NRXN1: variants seen among roughly 807,000 people sequenced by gnomAD.
NRXN1 encodes the protein neurexin 1, also known as neurexin-1.
NRXN1 carries 39 observed loss-of-function variants against 150.9 expected under a neutral mutation model. The observed-to-expected ratio is 0.26, with a 90% CI of 0.20 to 0.34. The LOEUF (loss-of-function observed/expected upper bound fraction) is 0.34, where lower values mean the gene tolerates loss of function less well. NRXN1 is among the 10% of genes least tolerant of loss of function. NRXN1 has a pLI of 1.00. For synonymous variants in NRXN1, 924 were observed against 757.0 expected, an observed-to-expected ratio of 1.22 and a Z score of -3.62; for missense variants, 1,815 against 1,949.9, an observed-to-expected ratio of 0.93 and a Z score of 1.30.
intron 12 of NRXN1, among the ~76,000 whole-genome samples, chr2:50,516,713 C>T (rs941550379): frequency 6.6e-6 from 1 of 151,774 alleles, no homozygotes; most frequent in Non-Finnish European, 1.5e-5. Flanking sequence ...CAAGGATATA[C>T]CCTTGAGAAC....
In NRXN1 at chr2:50,538,557, C is replaced by T. The variant is rs768832393; in HGVS notation, c.1839G>A (p.Leu613=). 6.3e-7 allele frequency: 1 copy of T among 1,575,612 alleles called. No homozygotes were observed. The highest frequency in any genetic ancestry group is 1.2e-5 in the South Asian group (1 of 83,546). ...TATTTTCTGGCAGCCCCCCCAGGTA[C>T]AACTCATCATCCAGGTCCAGAATCT... ...ESEILDLDDE[L]YLGGLPENKA... The change falls in exon 10 of 23, where the codon TTG becomes TTA. Residue 613 remains leucine (L), a synonymous_variant. Transcript: ENST00000401669.
Position 50,503,240 on chromosome 2 carries a change from G to T in NRXN1, c.2497+3255C>A, listed in dbSNP as rs149168786. On this transcript the variant is annotated intron_variant, in intron 13 of 22. Transcript: ENST00000401669. ...GGAGAATCACTTGAATGTAGGAGGC[G>T]GAGGCTGCAGTGAGCTGAGATCACT... Among the ~76,000 whole-genome samples, 421 of 151,692 alleles carry T rather than the reference G, an allele frequency of 2.8e-3. 1 individual carries two copies. Among genetic ancestry groups the T allele is most frequent in the African/African-American group, 9.3e-3 (386 of 41,324 alleles).
chr2:50,591,810 T>C (rs1373445669), intron 8 of NRXN1, among the ~76,000 whole-genome samples: 1 of 152,218 alleles, frequency 6.6e-6, no homozygotes, highest in Non-Finnish European at 1.5e-5. Context: ...GCATGCTAAA[T>C]ACAAGTTAGG....
intron 5 of NRXN1, among the ~76,000 whole-genome samples, chr2:50,769,141 A>G (rs756801016): frequency 6.6e-5 from 10 of 152,030 alleles, no homozygotes; most frequent in Non-Finnish European, 1.2e-4. Context: ...TAAAGCTATT[A>G]TTTCTGGGTT....
Position 50,346,994 on chromosome 2 carries a change from T to G in NRXN1, c.3365-110024A>C. ...GGCAGCCGCCGCGGGAGGCAAAGTTTGGGGCGCGGGGAGAGGAGAGGGCGC... is the reference window on the plus strand; with the variant it reads ...GGCAGCCGCCGCGGGAGGCAAAGTTGGGGGCGCGGGGAGAGGAGAGGGCGC... On this transcript the variant is annotated intron_variant, in intron 17 of 22. Transcript: ENST00000401669. The surrounding 1 kb of genome is among the most constrained non-coding windows in gnomAD (Gnocchi z 5.0). The G allele has an allele frequency of 7.4e-7, 1 of 1,359,412 alleles. No homozygotes were observed. Among genetic ancestry groups the G allele is most frequent in the South Asian group, 1.4e-5 (1 of 69,486 alleles). 84.2% of individuals were successfully genotyped at this position (1,359,412 alleles called of 1,614,324 possible).
intron 21 of NRXN1, among the ~76,000 whole-genome samples, chr2:50,029,094 G>C (rs1013086833): frequency 1.3e-5 from 2 of 152,124 alleles, no homozygotes; most frequent in African/African-American, 4.8e-5. Context: ...GAGGATGGAG[G>C]CTTCATGAAT....
intron 19 of NRXN1, among the ~76,000 whole-genome samples, chr2:50,072,482 C>A (rs1696434133): frequency 6.8e-6 from 1 of 148,136 alleles, no homozygotes; most frequent in African/African-American, 2.5e-5. Flanking sequence ...AGGACAAGCA[C>A]ATATTTATTC....
Position 50,702,853 on chromosome 2 carries a change from A to T in NRXN1, c.833-79238T>A, listed in dbSNP as rs1465570975. ...TATAATTATTTCTCTGATTTTAAAA[A>T]CAGTAACAGACAAGTTTTTTTTCCC... On this transcript the variant is annotated intron_variant, in intron 5 of 22. Coordinates refer to ENST00000401669, the MANE Select transcript of NRXN1 (RefSeq NM_001330078.2). Among the ~76,000 whole-genome samples, 5 of 152,238 alleles carry T rather than the reference A, an allele frequency of 3.3e-5. No homozygotes were observed. In the East Asian group the frequency reaches 9.7e-4, roughly 29 times the overall value.
chr2:50,229,585 T>C (rs1220518759), intron 18 of NRXN1, among the ~76,000 whole-genome samples: 2 of 151,952 alleles, frequency 1.3e-5, no homozygotes. Context: ...ACATATTGGA[T>C]ATGTTCTAAA....
chr2:50,959,978 T>G (rs1224622637), intron 2 of NRXN1, among the ~76,000 whole-genome samples: 3 of 152,034 alleles, frequency 2.0e-5, no homozygotes, highest in African/African-American at 7.2e-5. Flanking sequence ...ACTGCTTCTA[T>G]AACCATTTTC....
rs527697640 is a variant in NRXN1 at position 50,145,014 on chromosome 2, T to C, written c.3547-53520A>G. 1.1e-4 allele frequency among the ~76,000 whole-genome samples: 17 copies of C among 151,936 alleles called. 1 individual carries two copies. Among genetic ancestry groups the C allele is most frequent in the African/African-American group, 4.1e-4 (17 of 41,524 alleles). ...ATTCCTGAAATAACTAATATAAATGTAGCTATTTAAAATATGAGATGCTGG... is the reference window on the plus strand; with the variant it reads ...ATTCCTGAAATAACTAATATAAATGCAGCTATTTAAAATATGAGATGCTGG... On this transcript the variant is annotated intron_variant, in intron 18 of 22. Coordinates refer to ENST00000401669, the MANE Select transcript of NRXN1 (RefSeq NM_001330078.2).
At chr2:50,187,087 G>A (rs1284196591) in intron 18 of NRXN1, among the ~76,000 whole-genome samples, 1 of 151,930 alleles carries the variant, frequency 6.6e-6, no homozygotes, top group Admixed American at 6.6e-5. Context: ...AAAGTCAATG[G>A]CTGATTCTAT....
intron 8 of NRXN1, among the ~76,000 whole-genome samples, chr2:50,553,511 T>C (rs1327148067): frequency 6.6e-6 from 1 of 152,194 alleles, no homozygotes; most frequent in Admixed American, 6.5e-5. Flanking sequence ...CTATTATCTA[T>C]ATATCTGCTG....
chr2:50,781,633 C>A (rs2105519550), intron 5 of NRXN1, among the ~76,000 whole-genome samples: 1 of 152,318 alleles, frequency 6.6e-6, no homozygotes. Flanking sequence ...TTTCTAAAAA[C>A]CAGACTTTCT....
chr2:50,610,642 CATATATATATATATATATATATATAT>C (rs71404969), intron 8 of NRXN1, among the ~76,000 whole-genome samples: 14 of 42,876 alleles, frequency 3.3e-4, no homozygotes, highest in African/African-American at 8.3e-4. Flanking sequence ...TAAATAGATA[CATATATATATATATATATATATATAT>C]ATATATATAT....
chr2:51,020,544 C>T (rs1669441423), intron 2 of NRXN1, among the ~76,000 whole-genome samples: 1 of 151,852 alleles, frequency 6.6e-6, no homozygotes. Flanking sequence ...TCACAACGTC[C>T]TACAGCAATC....
intron 9 of NRXN1, among the ~76,000 whole-genome samples, chr2:50,540,099 C>T (rs1359474725): frequency 6.6e-6 from 1 of 152,136 alleles, no homozygotes; most frequent in African/African-American, 2.4e-5. Flanking sequence ...ACAAAGACTG[C>T]TCAGGTGGCC....
At chr2:50,590,426 G>C (rs1195493567) in intron 8 of NRXN1, among the ~76,000 whole-genome samples, 2 of 152,104 alleles carry the variant, frequency 1.3e-5, no homozygotes, top group Admixed American at 6.5e-5. Flanking sequence ...TATTCTGTTA[G>C]TATGCACAGC....
At chr2:50,886,779 A>G (rs575653257) in intron 5 of NRXN1, among the ~76,000 whole-genome samples, 2 of 151,516 alleles carry the variant, frequency 1.3e-5, no homozygotes, top group South Asian at 4.1e-4. Context: ...CTTTAAGGAT[A>G]CAGTTTTTAA....
Sources: gnomAD v4.1 joint callset for allele counts (sites outside exome capture counted in the v4.1 genomes callset) on GRCh38, gnomAD v4.1.1 for gene constraint, Gnocchi (gnomAD v3.1) non-coding constraint, MANE v1.5 for transcripts, NCBI Gene and HGNC (gene_info 2026-07-23, HGNC 2026-07-21) for gene names.